The following KYNU variants were observed in gnomAD, a reference collection of about 807,000 sequenced individuals.
KYNU encodes L-kynurenine hydrolase.
KYNU carries 54 observed loss-of-function variants against 59.2 expected under a neutral mutation model. The observed-to-expected ratio is 0.91, with a 90% CI of 0.73 to 1.14. The LOEUF is 1.14. Among genes scored for constraint, KYNU ranks in the 50% most tolerant of loss-of-function variants. The pLI is 0.00. For missense variants in KYNU, 567 were observed against 554.4 expected (o/e 1.02, Z -0.23); for synonymous variants, 177 against 192.0 (o/e 0.92, Z 0.65).
chr2:142,939,899 C>T (rs1189657721), intron 4 of KYNU, among the ~76,000 whole-genome samples: 1 of 152,172 alleles, frequency 6.6e-6, no homozygotes, highest in East Asian at 1.9e-4. Context: ...CAGGGCTAAT[C>T]TGGGCAGCCC....
chr2:142,975,301 A>G (rs1274896230), intron 8 of KYNU, among the ~76,000 whole-genome samples: 2 of 152,180 alleles, frequency 1.3e-5, no homozygotes, highest in Non-Finnish European at 2.9e-5. Context: ...CAGCTGGGAC[A>G]GCCAAGCTCC....
rs187943303 is a variant in KYNU, at chr2:142,939,690, C to T, written c.373+11949C>T. ...AAATTCTCCGTTCTATGACAAATAC[C>T]GAGGAGTGACTGAAAAAAAAATTAA... On this transcript the variant is annotated intron_variant, in intron 4 of 13. Transcript: ENST00000264170. 3.3e-5 allele frequency among the ~76,000 whole-genome samples: 5 copies of T among 149,682 alleles called. No homozygotes were observed. In the East Asian group the frequency reaches 9.7e-4, roughly 29 times the overall value.
chr2:142,910,588 C>T lies in KYNU; in HGVS notation c.170-8021C>T, dbSNP rs115312349. The stretch of plus-strand genomic sequence containing the variant: ...AGCTCTTTAGTTTAATTAGGTCCCA[C>T]TTGTCAGTTTGGGGGGTTTTTGCAA... On this transcript the variant is annotated intron_variant, in intron 2 of 13. Transcript: ENST00000264170. 5.1e-3 allele frequency among the ~76,000 whole-genome samples: 781 copies of T among 152,210 alleles called. 2 individuals carry two copies. The highest frequency in any genetic ancestry group is 0.01 in the Middle Eastern group (3 of 294).
intron 6 of KYNU, among the ~76,000 whole-genome samples, chr2:142,956,570 T>C (rs1437968107): frequency 6.6e-6 from 1 of 152,208 alleles, no homozygotes; most frequent in Non-Finnish European, 1.5e-5. Context: ...GTTTTATTAA[T>C]TCTTATTGCT....
intron 10 of KYNU, among the ~76,000 whole-genome samples, chr2:142,988,687 C>T (rs1330278218): frequency 6.6e-6 from 1 of 151,942 alleles, no homozygotes; most frequent in African/African-American, 2.4e-5. Context: ...ATGAAGGCCA[C>T]GTTAAGGAAA....
At chr2:142,980,036 G>A (rs2105145956) in intron 8 of KYNU, among the ~76,000 whole-genome samples, 1 of 152,210 alleles carries the variant, frequency 6.6e-6, no homozygotes, top group South Asian at 2.1e-4. Flanking sequence ...TAAACAAGGT[G>A]TGGATTATTC....
intron 10 of KYNU, among the ~76,000 whole-genome samples, chr2:143,027,144 C>T (rs1463284235): frequency 2.0e-5 from 3 of 152,160 alleles, no homozygotes; most frequent in African/African-American, 4.8e-5. Flanking sequence ...CTGCTGTTCC[C>T]TATCACTAAT....
At chr2:142,922,226 C>T (rs1383327995) in intron 3 of KYNU, among the ~76,000 whole-genome samples, 4 of 152,168 alleles carry the variant, frequency 2.6e-5, no homozygotes, top group East Asian at 1.9e-4. Flanking sequence ...CTTGACCAGG[C>T]GTGGTGGTTC....
chr2:143,033,134 GAA>G (rs1686805510), intron 11 of KYNU, 100 bp from the exon 12 acceptor site: 1 of 839,200 alleles, frequency 1.2e-6, no homozygotes, highest in Non-Finnish European at 2.1e-6. Context: ...TACTTAGGAA[GAA>G]AAGTTTAAGT....
chr2:142,956,759 T>TA (rs1449992348), intron 6 of KYNU, among the ~76,000 whole-genome samples: 1 of 152,112 alleles, frequency 6.6e-6, no homozygotes, highest in Non-Finnish European at 1.5e-5. Context: ...TGTGATTTAC[T>TA]AAAAAAAGTC....
At chr2:143,024,205 A>G (rs954868897) in intron 10 of KYNU, among the ~76,000 whole-genome samples, 1 of 151,910 alleles carries the variant, frequency 6.6e-6, no homozygotes, top group Non-Finnish European at 1.5e-5. Context: ...TACCTGATCT[A>G]TCATGTTTAA....
Position 143,033,230 on chromosome 2 carries a change from T to C in KYNU, c.956-6T>C, listed in dbSNP as rs930141959. The C allele has an allele frequency of 1.9e-6, 3 of 1,594,692 alleles. No individual in the cohort carries two copies. The highest frequency in any genetic ancestry group is 2.6e-6 in the Non-Finnish European group (3 of 1,162,334). On this transcript the variant is annotated splice_region_variant and splice_polypyrimidine_tract_variant and intron_variant, in intron 11 of 13. Coordinates refer to ENST00000264170, the MANE Select transcript of KYNU (RefSeq NM_003937.3). ...CTATGATAATGACATGATATTAATT[T>C]CTCAGAACTGCAGTTAATCCCTGGG...
chr2:143,048,687 C>T lies in KYNU; in HGVS notation c.*6515C>T, dbSNP rs1442632891. On this transcript the variant is annotated 3_prime_UTR_variant, in exon 14 of 14. Coordinates refer to ENST00000264170, the MANE Select transcript of KYNU (RefSeq NM_003937.3). ...CACTTCATATAGAATTCTATGTCGACAGTAATTTTCTTTCAGGAAGTAGAA... is the reference window on the plus strand; with the variant it reads ...CACTTCATATAGAATTCTATGTCGATAGTAATTTTCTTTCAGGAAGTAGAA... 1 of 152,120 alleles carries T rather than the reference C, an allele frequency of 6.6e-6. No homozygotes were observed. Among genetic ancestry groups the T allele is most frequent in the Non-Finnish European group, 1.5e-5 (1 of 68,026 alleles). 9.4% of individuals were successfully genotyped at this position (152,120 alleles called of 1,614,324 possible). A position where few individuals can be genotyped will look rare whatever the true frequency, so the allele number is the denominator to read the frequency against.
chr2:143,002,174 A>C (rs1048628506), intron 10 of KYNU, among the ~76,000 whole-genome samples: 1 of 152,194 alleles, frequency 6.6e-6, no homozygotes, highest in African/African-American at 2.4e-5. Context: ...TAATTTCTTA[A>C]GTGAATAAAT....
intron 2 of KYNU, among the ~76,000 whole-genome samples, chr2:142,894,054 T>G (rs1315162704): frequency 6.6e-6 from 1 of 152,222 alleles, no homozygotes; most frequent in Non-Finnish European, 1.5e-5. Context: ...CCATATGAAC[T>G]CTTTCCTCAA....
intron 8 of KYNU, among the ~76,000 whole-genome samples, chr2:142,979,131 G>A (rs1331705686): frequency 6.6e-6 from 1 of 152,048 alleles, no homozygotes; most frequent in Non-Finnish European, 1.5e-5. Context: ...AGTGAAGATG[G>A]CAAAGACAAA....
At chr2:142,989,379 T>C (rs1379958680) in intron 10 of KYNU, 1 of 995,070 alleles carries the variant, frequency 1.0e-6, no homozygotes, top group Non-Finnish European at 1.2e-6. Context: ...ACTGTTAAAG[T>C]GTCCAGTATG....
rs562171460 is a variant in KYNU at position 143,025,388 on chromosome 2, C to T, written c.903-4239C>T. 5.9e-5 allele frequency among the ~76,000 whole-genome samples: 9 copies of T among 152,158 alleles called. No homozygotes were observed. In the South Asian group the frequency reaches 1.9e-3, roughly 32 times the overall value. Reference sequence around the variant, plus strand: ...TAGATTAGCAATTTGGGGGAGGTACCTAAGCAGGAGGCTAGGGGAGAAAGG... The same window carrying T: ...TAGATTAGCAATTTGGGGGAGGTACTTAAGCAGGAGGCTAGGGGAGAAAGG... On this transcript the variant is annotated intron_variant, in intron 10 of 13. Coordinates refer to ENST00000264170, the MANE Select transcript of KYNU (RefSeq NM_003937.3).
chr2:143,014,130 G>A (rs1287617364), intron 10 of KYNU, among the ~76,000 whole-genome samples: 1 of 152,218 alleles, frequency 6.6e-6, no homozygotes, highest in Non-Finnish European at 1.5e-5. Context: ...AAAGATTATG[G>A]CACCAATTTG....
Sources: gnomAD v4.1 joint callset for allele counts (sites outside exome capture counted in the v4.1 genomes callset) on GRCh38, gnomAD v4.1.1 for gene constraint, MANE v1.5 for transcripts, NCBI Gene and HGNC (gene_info 2026-07-23, HGNC 2026-07-21) for gene names.